The following ITGB7 variants were observed in gnomAD, a reference collection of about 807,000 sequenced individuals.
ITGB7 encodes the protein integrin subunit beta 7, also known as integrin beta-7.
ITGB7 carries 55 observed loss-of-function variants against 83.4 expected under a neutral mutation model. The observed-to-expected ratio is 0.66, with a 90% CI of 0.53 to 0.83. The LOEUF is 0.83. Ranked by LOEUF, ITGB7 falls within the 40% of genes least tolerant of loss-of-function variation. The pLI, the probability that ITGB7 is intolerant of heterozygous loss-of-function variation, is 0.00. For synonymous variants in ITGB7, 454 were observed against 423.6 expected, an observed-to-expected ratio of 1.07 and a Z score of -0.88; for missense variants, 921 against 1,046.7, an observed-to-expected ratio of 0.88 and a Z score of 1.66.
At position 53,197,868 on chromosome 12, in the gene ITGB7, C is replaced by T; in HGVS notation, c.285G>A (p.Glu95=). The T allele has an allele frequency of 6.5e-7, 1 of 1,534,574 alleles. No individual in the cohort carries two copies. Among genetic ancestry groups the T allele is most frequent in the Non-Finnish European group, 8.7e-7 (1 of 1,146,970 alleles). ...CCTGCTGGCCGCGGGGCTCCTCCAG[C>T]TCCTCCAGCGGGCAGCCTCGAGCCA... The part of the protein sequence containing the change: ...ELLARGCPLE[E]LEEPRGQQEV... Residue 95 remains glutamate, a synonymous_variant, in exon 4 of 16, where the codon GAG becomes GAA. Transcript: ENST00000267082.
At chr12:53,205,891 G>A (rs1183747903) in intron 1 of ITGB7, among the ~76,000 whole-genome samples, 4 of 152,078 alleles carry the variant, frequency 2.6e-5, no homozygotes, top group Non-Finnish European at 4.4e-5. Flanking sequence ...TCCACCCCTC[G>A]GGGAGAGGCC....
At position 53,192,715 on chromosome 12, in the gene ITGB7, C is replaced by T; in HGVS notation, c.1922G>A (p.Cys641Tyr). The T allele has an allele frequency of 1.2e-6, 2 of 1,614,108 alleles. No individual in the cohort carries two copies. The highest frequency in any genetic ancestry group is 2.2e-5 in the South Asian group (2 of 91,088). ...YGALCDQCPG[C>Y]KTPCERHRDC... is the part of the protein sequence containing the mutation. Reference sequence around the variant, plus strand: ...CCGGTGTCTCTCGCATGGTGTCTTGCAGCCTGGGCATTGGTCGCATAGAGC... The same window carrying T: ...CCGGTGTCTCTCGCATGGTGTCTTGTAGCCTGGGCATTGGTCGCATAGAGC... The change falls in exon 13 of 16, where the codon TGC (cysteine) becomes TAC (tyrosine). Residue 641 changes from cysteine to tyrosine, a missense_variant. Transcript: ENST00000267082.
intron 9 of ITGB7, 85 bp from the exon 10 acceptor site, chr12:53,194,429 T>C: frequency 7.1e-7 from 1 of 1,404,058 alleles, no homozygotes; most frequent in Non-Finnish European, 9.8e-7. Flanking sequence ...GTGTTCCCAA[T>C]TCTGCCAGCA....
chr12:53,203,897 T>C (rs551377514), intron 1 of ITGB7, among the ~76,000 whole-genome samples: 1 of 152,238 alleles, frequency 6.6e-6, no homozygotes, highest in South Asian at 2.1e-4. Context: ...AACCTGGCAA[T>C]TTCACTCTTA....
intron 1 of ITGB7, among the ~76,000 whole-genome samples, chr12:53,205,741 G>A (rs1942428211): frequency 6.6e-6 from 1 of 152,182 alleles, no homozygotes; most frequent in African/African-American, 2.4e-5. Context: ...TAAACCATTT[G>A]CATCTTCTTC....
Position 53,193,852 on chromosome 12 carries a change from T to C in ITGB7, c.1358A>G (p.His453Arg), listed in dbSNP as rs1393663695. The change falls in exon 11 of 16, where the codon CAT (histidine) becomes CGT (arginine). Residue 453 changes from histidine to arginine, a missense_variant. Physicochemically the swap from His to Arg is conservative, Grantham distance 29 (BLOSUM62 0). Coordinates refer to ENST00000267082, the MANE Select transcript of ITGB7 (RefSeq NM_000889.3). The stretch of plus-strand genomic sequence containing the variant: ...GCCAAGGGCCCGGAGCCTCAGGAGA[T>C]GGGGCTCTGGGAGGCAGTGGGTGGC... ...LQATHCLPEP[H>R]LLRLRALGFS... is the part of the protein sequence containing the mutation. The C allele has an allele frequency of 2.5e-6, 4 of 1,613,666 alleles. No individual in the cohort carries two copies. The African/African-American group carries it at 4.0e-5, about 16-fold the overall frequency.
At position 53,193,849 on chromosome 12, in the gene ITGB7, A is replaced by G; in HGVS notation, c.1361T>C (p.Leu454Pro). The G allele has an allele frequency of 6.2e-7, 1 of 1,614,054 alleles. No individual in the cohort carries two copies. Among genetic ancestry groups the G allele is most frequent in the African/African-American group, 1.3e-5 (1 of 75,012 alleles). ...QATHCLPEPHLLRLRALGFSE... is the reference protein window; with the variant it reads ...QATHCLPEPHPLRLRALGFSE... ...GAAGCCAAGGGCCCGGAGCCTCAGGAGATGGGGCTCTGGGAGGCAGTGGGT... is the reference window on the plus strand; with the variant it reads ...GAAGCCAAGGGCCCGGAGCCTCAGGGGATGGGGCTCTGGGAGGCAGTGGGT... The change falls in exon 11 of 16, where the codon CTC becomes CCC. Residue 454 changes from leucine (L) to proline (P), a missense_variant. Transcript: ENST00000267082.
intron 13 of ITGB7, 37 bp from the exon 14 acceptor site, chr12:53,192,575 G>C (rs748711977): frequency 6.2e-7 from 1 of 1,604,064 alleles, no homozygotes; most frequent in South Asian, 1.1e-5. Context: ...CAGCTGGGCA[G>C]TTGTCACCCA....
intron 8 of ITGB7, 78 bp from the exon 9 acceptor site, chr12:53,195,541 A>G: frequency 6.6e-7 from 1 of 1,514,564 alleles, no homozygotes; most frequent in Non-Finnish European, 9.2e-7. Flanking sequence ...GAAGGAGGGC[A>G]TATGGGGGAC....
intron 11 of ITGB7, 112 bp from the exon 12 acceptor site, chr12:53,193,475 A>C: frequency 1.2e-6 from 1 of 835,754 alleles, no homozygotes. Context: ...AGACAGACAA[A>C]CAGCTGAAAG....
chr12:53,193,138 A>C lies in ITGB7; in HGVS notation c.1726+2T>G. On this transcript the variant is annotated splice_donor_variant, in intron 12 of 15. Transcript: ENST00000267082. LOFTEE classifies it high-confidence loss of function. ...CGCCCTTCTCCCCAAGGCTCCAGGTACCTCCGCAGAGGATGCCCTCATGTC... is the reference window on the plus strand; with the variant it reads ...CGCCCTTCTCCCCAAGGCTCCAGGTCCCTCCGCAGAGGATGCCCTCATGTC... 1 of 1,601,546 alleles carries C rather than the reference A, an allele frequency of 6.2e-7. No individual in the cohort carries two copies. Among genetic ancestry groups the C allele is most frequent in the African/African-American group, 1.3e-5 (1 of 74,782 alleles).
At chr12:53,203,640 CCT>C (rs1294461531) in intron 1 of ITGB7, among the ~76,000 whole-genome samples, 1 of 118,162 alleles carries the variant, frequency 8.5e-6, no homozygotes, top group Admixed American at 9.2e-5. Flanking sequence ...AGAGCGAGAC[CCT>C]GTCTCAAAAA....
intron 7 of ITGB7, 104 bp downstream of exon 7, chr12:53,195,937 T>C (rs960014713): frequency 1.2e-5 from 16 of 1,348,914 alleles, no homozygotes; most frequent in Non-Finnish European, 1.6e-5. Context: ...GCAGGGTGTC[T>C]ACAGGGTGGT....
In ITGB7 at chr12:53,192,514, G is replaced by A. The variant is rs1411422444; in HGVS notation, c.1971C>T (p.Phe657=). 4 of 1,614,054 alleles carry A rather than the reference G, an allele frequency of 2.5e-6. No homozygotes were observed. The South Asian group carries it at 3.3e-5, about 13-fold the overall frequency. Reference sequence around the variant, plus strand: ...AGTTGGTGGCCAGTGGGCCAGTCCTGAAGGCCCCACACTCTGCACAGTCCC... The same window carrying A: ...AGTTGGTGGCCAGTGGGCCAGTCCTAAAGGCCCCACACTCTGCACAGTCCC... The part of the protein sequence containing the change: ...RHRDCAECGA[F]RTGPLATNCS... The change falls in exon 14 of 16, where the codon TTC becomes TTT. Residue 657 remains phenylalanine, a synonymous_variant. Transcript: ENST00000267082.
chr12:53,196,878 C>T, intron 5 of ITGB7, 58 bp from the exon 6 acceptor site: 1 of 1,550,526 alleles, frequency 6.4e-7, no homozygotes, highest in Non-Finnish European at 8.8e-7. Flanking sequence ...AACAGAGGAC[C>T]CATGAGAGCG....
chr12:53,205,304 C>T (rs1942415644), intron 1 of ITGB7, among the ~76,000 whole-genome samples: 1 of 152,102 alleles, frequency 6.6e-6, no homozygotes, highest in African/African-American at 2.4e-5. Flanking sequence ...TCCACCTCAG[C>T]CTCCCGAGTA....
chr12:53,198,002 G>T, intron 3 of ITGB7, 51 bp from the exon 4 acceptor site: 2 of 1,463,790 alleles, frequency 1.4e-6, no homozygotes, highest in South Asian at 1.2e-5. Flanking sequence ...TAGGCCCTGG[G>T]CCCCGCTCCC....
chr12:53,197,691 C>A, intron 4 of ITGB7, 28 bp from the exon 5 acceptor site: 1 of 1,609,102 alleles, frequency 6.2e-7, no homozygotes, highest in Non-Finnish European at 8.5e-7. Flanking sequence ...GGCGGGTCAG[C>A]AGAGCGCATT....
Position 53,201,995 on chromosome 12 carries a change from CTA to C in ITGB7, c.-126-803_-126-802del, listed in dbSNP as rs1942332055. 2.0e-5 allele frequency among the ~76,000 whole-genome samples: 3 copies of C among 152,316 alleles called. No homozygotes were observed. In the South Asian group the frequency reaches 6.2e-4, roughly 32 times the overall value. ...AGAATTGAAAGAGTCCAGAAATAAA[CTA>C]TGCTTCTGTGGCCAATTGATTTCCA... On this transcript the variant is annotated intron_variant, in intron 1 of 15. Transcript: ENST00000267082.
Sources: allele counts gnomAD v4.1 joint callset (sites outside exome capture counted in the v4.1 genomes callset), GRCh38; gene constraint gnomAD v4.1.1; transcripts MANE v1.5; gene names NCBI Gene and HGNC (gene_info 2026-07-23, HGNC 2026-07-21).